The following HTR2B variants were observed in gnomAD, a reference collection of about 807,000 sequenced individuals.
The protein encoded by HTR2B is 5-hydroxytryptamine receptor 2B.
In HTR2B, 31 loss-of-function variants were observed where a neutral mutation model predicts 39.8. The ratio of observed to expected loss-of-function variants is 0.78; its 90% CI spans 0.58 to 1.05. HTR2B has a LOEUF of 1.05. Among genes scored for constraint, HTR2B ranks in the 50% least tolerant of loss-of-function variants. The pLI is 0.00. For missense variants in HTR2B, 562 were observed against 578.0 expected, an observed-to-expected ratio of 0.97 and a Z score of 0.28; for synonymous variants, 210 against 207.1, an observed-to-expected ratio of 1.01 and a Z score of -0.12.
chr2:231,109,421 G>C lies in HTR2B; in HGVS notation c.554-12C>G. The C allele has an allele frequency of 6.2e-7, 1 of 1,611,808 alleles. No individual in the cohort carries two copies. The highest frequency in any genetic ancestry group is 8.5e-7 in the Non-Finnish European group (1 of 1,178,086). ...TGGAATGGCAATGCCTAAGGAAGAG[G>C]AAAACAAGATAAATTGAGTCATTTT... On this transcript the variant is annotated splice_polypyrimidine_tract_variant and intron_variant, in intron 3 of 3. Coordinates refer to ENST00000258400, the MANE Select transcript of HTR2B (RefSeq NM_000867.5).
intron 3 of HTR2B, among the ~76,000 whole-genome samples, chr2:231,110,269 G>A (rs769439395): frequency 5.9e-5 from 9 of 151,360 alleles, no homozygotes; most frequent in South Asian, 2.1e-4. Context: ...GCAGTGAGCC[G>A]AGATCACACC....
chr2:231,109,512 C>T (rs1001577652), intron 3 of HTR2B, 103 bp from the exon 4 acceptor site: 11 of 992,090 alleles, frequency 1.1e-5, no homozygotes, highest in African/African-American at 1.6e-5. Context: ...CTTGTTGGTG[C>T]ATTATAATTC....
chr2:231,115,522 G>A (rs1695300203), intron 2 of HTR2B, among the ~76,000 whole-genome samples: 1 of 152,112 alleles, frequency 6.6e-6, no homozygotes, highest in Non-Finnish European at 1.5e-5. Flanking sequence ...AGGGATTAAA[G>A]CATCAAGTGG....
chr2:231,111,579 CT>C (rs1695158139), intron 3 of HTR2B, among the ~76,000 whole-genome samples: 1 of 152,200 alleles, frequency 6.6e-6, no homozygotes, highest in African/African-American at 2.4e-5. Context: ...AGAGTGAGCT[CT>C]CTTCAGCATT....
rs148411901 is a variant in HTR2B, at chr2:231,108,711, G to A, written c.1252C>T (p.Arg418Trp). The change falls in exon 4 of 4, where the codon CGG (arginine) becomes TGG (tryptophan). Residue 418 changes from arginine (R) to tryptophan (W), a missense_variant. Physicochemically the swap from Arg to Trp is moderately radical, Grantham distance 101. Coordinates refer to ENST00000258400, the MANE Select transcript of HTR2B (RefSeq NM_000867.5). ...TTAGAGTTCTCTGCCATTGGATTCC[G>A]GAAGTAGATCTTACTGGAGCGTTTT... ...LRKRSSKIYF[R>W]NPMAENSKFF... is the part of the protein sequence containing the mutation. The A allele has an allele frequency of 2.0e-4, 330 of 1,614,096 alleles. 1 individual carries two copies. In the African/African-American group the frequency reaches 2.9e-3, roughly 14 times the overall value.
At position 231,108,688 on chromosome 2, in the gene HTR2B, A is replaced by G. The variant is rs527954308; in HGVS notation, c.1275T>C (p.Ser425=). Residue 425 remains serine, a synonymous_variant, in exon 4 of 4, where the codon TCT becomes TCC. Coordinates refer to ENST00000258400, the MANE Select transcript of HTR2B (RefSeq NM_000867.5). ...GAATTCCATGTTTCTTGAAAAACTT[A>G]GAGTTCTCTGCCATTGGATTCCGGA... ...IYFRNPMAEN[S]KFFKKHGIRN... is the part of the protein sequence containing the mutation. 3.7e-6 allele frequency: 6 copies of G among 1,614,112 alleles called. No homozygotes were observed. Among genetic ancestry groups the G allele is most frequent in the African/African-American group, 1.3e-5 (1 of 75,036 alleles).
intron 3 of HTR2B, among the ~76,000 whole-genome samples, chr2:231,112,955 A>T (rs1213712382): frequency 2.6e-5 from 4 of 152,116 alleles, no homozygotes; most frequent in African/African-American, 9.7e-5. Context: ...GCCAGAGCTC[A>T]AGAGTTTGAG....
At chr2:231,124,506 A>T (rs776074065) in intron 1 of HTR2B, among the ~76,000 whole-genome samples, 1 of 152,064 alleles carries the variant, frequency 6.6e-6, no homozygotes, top group Non-Finnish European at 1.5e-5. Flanking sequence ...AGGGATCCTT[A>T]TATGTAATTA....
chr2:231,112,259 C>T (rs1695178994), intron 3 of HTR2B, among the ~76,000 whole-genome samples: 1 of 152,164 alleles, frequency 6.6e-6, no homozygotes, highest in South Asian at 2.1e-4. Context: ...CTCCTCTGCA[C>T]TTCAAATTTT....
intron 1 of HTR2B, 48 bp from the exon 2 acceptor site, chr2:231,124,178 T>G: frequency 5.3e-6 from 1 of 188,342 alleles, no homozygotes; most frequent in Non-Finnish European, 1.1e-5. Flanking sequence ...TTTCTGAAAG[T>G]GGTAAAAACA....
At chr2:231,111,455 G>A (rs1006474570) in intron 3 of HTR2B, among the ~76,000 whole-genome samples, 2 of 152,084 alleles carry the variant, frequency 1.3e-5, no homozygotes, top group Non-Finnish European at 2.9e-5. Context: ...TATCCAGCTT[G>A]TTGGTCAATA....
chr2:231,119,869 CAAAAAA>C (rs78246469), intron 2 of HTR2B, among the ~76,000 whole-genome samples: 1 of 80,056 alleles, frequency 1.2e-5, no homozygotes. Flanking sequence ...GACTCCGTCT[CAAAAAA>C]AAAAAAAAAA....
At chr2:231,122,292 T>A (rs1013692160) in intron 2 of HTR2B, among the ~76,000 whole-genome samples, 1 of 152,134 alleles carries the variant, frequency 6.6e-6, no homozygotes, top group East Asian at 1.9e-4. Context: ...CTGATAATAG[T>A]TTTAGATATC....
Position 231,109,171 on chromosome 2 carries a change from C to A in HTR2B, c.792G>T (p.Val264=). 2.5e-6 allele frequency: 4 copies of A among 1,614,198 alleles called. No individual in the cohort carries two copies. The highest frequency in any genetic ancestry group is 3.4e-6 in the Non-Finnish European group (4 of 1,180,042). The part of the protein sequence containing the change: ...KPPQRLTWLT[V]STVFQRDETP... ...TTTCATCCCTTTGGAAAACTGTAGA[C>A]ACAGTCAACCATGTTAGGCGTTGAG... The change falls in exon 4 of 4, where the codon GTG becomes GTT. Residue 264 remains valine (V), a synonymous_variant. Transcript: ENST00000258400.
At chr2:231,119,950 CT>C (rs758725665) in intron 2 of HTR2B, among the ~76,000 whole-genome samples, 3,181 of 135,644 alleles carry the variant, frequency 0.023, 106 homozygotes, top group African/African-American at 0.071. Context: ...TCCCGTGTTA[CT>C]TTTTTTTTTT....
intron 2 of HTR2B, among the ~76,000 whole-genome samples, chr2:231,118,201 C>G (rs567038955): frequency 6.6e-6 from 1 of 152,102 alleles, no homozygotes; most frequent in East Asian, 1.9e-4. Context: ...GTGTTTAGAA[C>G]AGTTCCTGGC....
At chr2:231,118,357 T>C (rs1193297126) in intron 2 of HTR2B, among the ~76,000 whole-genome samples, 1 of 152,188 alleles carries the variant, frequency 6.6e-6, no homozygotes, top group African/African-American at 2.4e-5. Flanking sequence ...CTACCTGCTG[T>C]AGCAAAAGTG....
intron 2 of HTR2B, among the ~76,000 whole-genome samples, chr2:231,119,609 G>A (rs966967889): frequency 1.3e-5 from 2 of 152,116 alleles, no homozygotes; most frequent in Non-Finnish European, 2.9e-5. Flanking sequence ...GGTGGCTCAT[G>A]TCTGTAATCC....
intron 2 of HTR2B, among the ~76,000 whole-genome samples, chr2:231,117,274 C>T (rs985722332): frequency 4.0e-5 from 6 of 151,884 alleles, no homozygotes; most frequent in Non-Finnish European, 8.8e-5. Flanking sequence ...GTATTCTGTC[C>T]AATATACTTC....
Sources: gnomAD v4.1 joint callset for allele counts (sites outside exome capture counted in the v4.1 genomes callset) on GRCh38, gnomAD v4.1.1 for gene constraint, MANE v1.5 for transcripts, NCBI Gene and HGNC (gene_info 2026-07-23, HGNC 2026-07-21) for gene names.